The following CCDC191 variants were observed in gnomAD, a reference collection of about 807,000 sequenced individuals.
CCDC191 encodes coiled-coil domain-containing protein 191.
In CCDC191, 99 loss-of-function variants were observed where a neutral mutation model predicts 114.0. The observed-to-expected ratio is 0.87, with a 90% CI of 0.74 to 1.03. The LOEUF (loss-of-function observed/expected upper bound fraction) is 1.03. Among genes scored for constraint, CCDC191 ranks in the 50% least tolerant of loss-of-function variants. CCDC191 has a pLI of 0.00. For missense variants in CCDC191, 973 were observed against 1,087.0 expected, an observed-to-expected ratio of 0.90 and a Z score of 1.47; for synonymous variants, 351 against 376.0, an observed-to-expected ratio of 0.93 and a Z score of 0.77.
intron 16 of CCDC191, among the ~76,000 whole-genome samples, chr3:113,972,671 G>T (rs1940940669): frequency 6.6e-6 from 1 of 152,138 alleles, no homozygotes; most frequent in Non-Finnish European, 1.5e-5. Context: ...GTGGCGTGTT[G>T]AAGTCCCCTA....
At chr3:114,050,591 G>T (rs780626642) in intron 2 of CCDC191, among the ~76,000 whole-genome samples, 1 of 152,188 alleles carries the variant, frequency 6.6e-6, no homozygotes, top group Non-Finnish European at 1.5e-5. Flanking sequence ...CAGAGAGGAG[G>T]AGTATTCCAG....
intron 4 of CCDC191, among the ~76,000 whole-genome samples, chr3:114,038,438 T>C (rs1030781163): frequency 1.4e-4 from 21 of 152,232 alleles, no homozygotes; most frequent in Non-Finnish European, 2.4e-4. Flanking sequence ...GTGGTGATGC[T>C]GGTATAAACA....
chr3:113,982,863 A>C (rs1314739631), intron 13 of CCDC191, among the ~76,000 whole-genome samples: 1 of 151,420 alleles, frequency 6.6e-6, no homozygotes, highest in Non-Finnish European at 1.5e-5. Context: ...AAAACAAAAA[A>C]AAAAAAACCA....
chr3:114,055,424 T>C (rs6438180), intron 1 of CCDC191, among the ~76,000 whole-genome samples: 77,185 of 152,106 alleles, frequency 0.51, 19,710 homozygotes, highest in Middle Eastern at 0.6. Flanking sequence ...CCCTGATGCT[T>C]CAGTCTGTGC....
chr3:113,969,915 T>C (rs967873997), intron 16 of CCDC191, among the ~76,000 whole-genome samples: 1 of 152,190 alleles, frequency 6.6e-6, no homozygotes, highest in Non-Finnish European at 1.5e-5. Context: ...AGAGATTGCA[T>C]TGAATCTGTA....
At chr3:114,031,045 T>C (rs2076397357) in intron 7 of CCDC191, among the ~76,000 whole-genome samples, 1 of 152,176 alleles carries the variant, frequency 6.6e-6, no homozygotes, top group African/African-American at 2.4e-5. Flanking sequence ...GAAAACTGCT[T>C]AAGTAACCTG....
chr3:114,025,722 G>A (rs912610937), intron 7 of CCDC191, among the ~76,000 whole-genome samples: 14 of 152,092 alleles, frequency 9.2e-5, no homozygotes, highest in Admixed American at 3.9e-4. Context: ...GCAGACCTAC[G>A]GCTCCCTATC....
In CCDC191 at chr3:114,036,715, T is replaced by C. The variant is rs774903401; in HGVS notation, c.487A>G (p.Lys163Glu). The C allele has an allele frequency of 2.5e-6, 4 of 1,599,882 alleles. No homozygotes were observed. The South Asian group carries it at 4.5e-5, about 18-fold the overall frequency. ...ATCATTGCAGAATCTACCACATTTTTATGGAGCAGATGGTCTATAAATTTT... is the reference window on the plus strand; with the variant it reads ...ATCATTGCAGAATCTACCACATTTTCATGGAGCAGATGGTCTATAAATTTT... ...VQKFIDHLLH[K>E]NVVDSAMMED... Residue 163 changes from lysine (K) to glutamate (E), a missense_variant, in exon 5 of 17, where the codon AAA becomes GAA. Transcript: ENST00000295878.
At chr3:114,049,005 T>G (rs1347186061) in intron 2 of CCDC191, among the ~76,000 whole-genome samples, 2 of 152,276 alleles carry the variant, frequency 1.3e-5, no homozygotes, top group African/African-American at 4.8e-5. Flanking sequence ...TGGTGGAACC[T>G]CTGCCAAAAC....
At position 114,007,453 on chromosome 3, in the gene CCDC191, T is replaced by C. The variant is rs1018656216; in HGVS notation, c.1414-1491A>G. 7.4e-4 allele frequency among the ~76,000 whole-genome samples: 112 copies of C among 152,222 alleles called. 1 individual carries two copies. Among genetic ancestry groups the C allele is most frequent in the African/African-American group, 2.6e-3 (107 of 41,460 alleles). ...TGTTAAACACTTTTAAAAGTAACCT[T>C]TTATTTCAGTAATGTCAGTGAACAC... On this transcript the variant is annotated intron_variant, in intron 9 of 16. Coordinates refer to ENST00000295878, the MANE Select transcript of CCDC191 (RefSeq NM_020817.2).
chr3:113,991,516 C>T (rs62267060), intron 13 of CCDC191, among the ~76,000 whole-genome samples: 12,101 of 152,086 alleles, frequency 0.08, 517 homozygotes, highest in Middle Eastern at 0.11. Flanking sequence ...AATGAAAATT[C>T]CCTTCATCTA....
intron 13 of CCDC191, among the ~76,000 whole-genome samples, chr3:113,986,694 G>T (rs2075371214): frequency 6.6e-6 from 1 of 152,148 alleles, no homozygotes; most frequent in Admixed American, 6.5e-5. Context: ...GGCCACTAAG[G>T]AAGTAATGAA....
rs562530110 is a variant in CCDC191, at chr3:114,046,065, G to A, written c.271+526C>T. On this transcript the variant is annotated intron_variant, in intron 3 of 16. Coordinates refer to ENST00000295878, the MANE Select transcript of CCDC191 (RefSeq NM_020817.2). ...TTGGCTTGTAGGACATCACACTCTTGACTTTCCATCTACCACAGTGGCCTC... is the reference window on the plus strand; with the variant it reads ...TTGGCTTGTAGGACATCACACTCTTAACTTTCCATCTACCACAGTGGCCTC... Among the ~76,000 whole-genome samples, 7 of 152,306 alleles carry A rather than the reference G, an allele frequency of 4.6e-5. No individual in the cohort carries two copies. The South Asian group carries it at 1.4e-3, about 32-fold the overall frequency.
intron 7 of CCDC191, among the ~76,000 whole-genome samples, chr3:114,019,158 A>G (rs2076208987): frequency 1.3e-5 from 2 of 152,232 alleles, no homozygotes. Flanking sequence ...CACATCTATG[A>G]CATGAACCAA....
At chr3:114,047,193 T>C in intron 2 of CCDC191, 5 of 789,912 alleles carry the variant, frequency 6.3e-6, no homozygotes, top group Non-Finnish European at 7.7e-6. Context: ...GGCAATCATA[T>C]ATTAGGTTCA....
intron 9 of CCDC191, among the ~76,000 whole-genome samples, chr3:114,007,798 T>A (rs2075997032): frequency 6.6e-6 from 1 of 152,032 alleles, no homozygotes; most frequent in South Asian, 2.1e-4. Context: ...AGTACATGAG[T>A]TCCTATGACT....
At position 114,027,491 on chromosome 3, in the gene CCDC191, G is replaced by A. The variant is rs2076338023; in HGVS notation, c.972+4135C>T. On this transcript the variant is annotated intron_variant, in intron 7 of 16. Transcript: ENST00000295878. ...TAGCTGGGTGTGGTGGCGTGTGCCT[G>A]TAATCCCAGCTGAGGCAGGAAAATT... Among the ~76,000 whole-genome samples, 4 of 150,126 alleles carry A rather than the reference G, an allele frequency of 2.7e-5. No homozygotes were observed. The South Asian group carries it at 8.5e-4, about 32-fold the overall frequency.
chr3:114,036,992 T>C (rs558111688), intron 4 of CCDC191: 117 of 279,162 alleles, frequency 4.2e-4, no homozygotes, highest in African/African-American at 2.4e-3. Flanking sequence ...TTACCAAGAA[T>C]TGCCCTCACC....
At chr3:114,047,035 G>C in intron 2 of CCDC191, 1 of 952,102 alleles carries the variant, frequency 1.1e-6, no homozygotes, top group South Asian at 4.9e-5. Context: ...ATAGGATCCT[G>C]AGACATGGAT....
Sources: gnomAD v4.1 joint callset for allele counts (sites outside exome capture counted in the v4.1 genomes callset) on GRCh38, gnomAD v4.1.1 for gene constraint, MANE v1.5 for transcripts, NCBI Gene and HGNC (gene_info 2026-07-23, HGNC 2026-07-21) for gene names.